APOO: variants seen among roughly 807,000 people sequenced by gnomAD.
The protein encoded by APOO is MICOS complex subunit MIC26.
A neutral mutation model predicts 23.1 loss-of-function variants in APOO; 11 were observed. The observed-to-expected ratio is 0.48, with a 90% CI of 0.30 to 0.79. The LOEUF (loss-of-function observed/expected upper bound fraction) is 0.79. Ranked by LOEUF, APOO falls within the 30% of genes least tolerant of loss-of-function variation. The pLI is 0.07. For missense variants in APOO, 160 were observed against 142.7 expected, an observed-to-expected ratio of 1.12 and a Z score of -0.62; for synonymous variants, 59 against 54.8, an observed-to-expected ratio of 1.08 and a Z score of -0.34.
At chrX:23,862,222 A>G (rs1272486581) in intron 5 of APOO, among the ~76,000 whole-genome samples, 1 of 111,670 alleles carries the variant, frequency 9.0e-6, no homozygotes, top group African/African-American at 3.3e-5. Context: ...AAGAACTTCA[A>G]AACAAAACTA....
intron 1 of APOO, among the ~76,000 whole-genome samples, chrX:23,885,855 C>A (rs1267213846): frequency 9.0e-6 from 1 of 111,455 alleles, no homozygotes; most frequent in Non-Finnish European, 1.9e-5. Flanking sequence ...AGCAGGCTCT[C>A]AACAGACAAG....
intron 7 of APOO, among the ~76,000 whole-genome samples, chrX:23,842,864 A>T (rs937265935): frequency 9.0e-6 from 1 of 111,358 alleles, no homozygotes; most frequent in African/African-American, 3.3e-5. Context: ...CAAAATTAGC[A>T]GGGCATGGTG....
In APOO at chrX:23,907,781, G is replaced by T; in HGVS notation, c.-79C>A. The stretch of plus-strand genomic sequence containing the variant: ...TATAGAGAGGTGACTACGGAGGCCC[G>T]GTAGGGCCTTGATTTCTCCAACCGC... On this transcript the variant is annotated 5_prime_UTR_variant, in exon 1 of 9. Transcript: ENST00000379226. 9.4e-7 allele frequency: 1 copy of T among 1,060,610 alleles called. No individual in the cohort carries two copies. Among genetic ancestry groups the T allele is most frequent in the Non-Finnish European group, 1.3e-6 (1 of 799,103 alleles). The allele number at this position is 1,060,610 out of a possible 1,213,427, so 87.4% of individuals were successfully genotyped here.
Position 23,862,623 on chromosome X carries a change from A to T in APOO, c.389-3890T>A, listed in dbSNP as rs770938512. On this transcript the variant is annotated intron_variant, in intron 5 of 8. Coordinates refer to ENST00000379226, the MANE Select transcript of APOO (RefSeq NM_024122.5). ...ACACCCGGTCTCCACAAAAAAAAAA[A>T]TTAGTCAGGTGTGGTGGTGCATGCC... Among the ~76,000 whole-genome samples, 27 of 104,311 alleles carry T rather than the reference A, an allele frequency of 2.6e-4. No homozygotes were observed. In the Admixed American group the frequency reaches 2.9e-3, roughly 11 times the overall value. 90.6% of individuals were successfully genotyped at this position (104,311 alleles called of 115,157 possible).
At chrX:23,851,954 C>T (rs995836916) in intron 7 of APOO, among the ~76,000 whole-genome samples, 3 of 111,674 alleles carry the variant, frequency 2.7e-5, no homozygotes, top group African/African-American at 9.8e-5. Flanking sequence ...GACCGAGTCT[C>T]GCTCTTTCGC....
chrX:23,894,337 G>A (rs1357393312), intron 1 of APOO, among the ~76,000 whole-genome samples: 2 of 109,223 alleles, frequency 1.8e-5, no homozygotes, highest in South Asian at 3.9e-4. Context: ...TAGAGACGGG[G>A]TTTTGCCACG....
intron 7 of APOO, among the ~76,000 whole-genome samples, chrX:23,845,038 A>G (rs5925935): frequency 1.7e-4 from 19 of 111,502 alleles, no homozygotes; most frequent in Admixed American, 9.6e-4. Context: ...TAACTTCCCA[A>G]GGTTTCAGGG....
chrX:23,905,365 G>A (rs906357433), intron 1 of APOO, among the ~76,000 whole-genome samples: 2 of 109,635 alleles, frequency 1.8e-5, no homozygotes, highest in East Asian at 2.8e-4. Flanking sequence ...ACTCCAGCCC[G>A]GACAACAGGG....
At chrX:23,860,125 C>T (rs1924951954) in intron 5 of APOO, among the ~76,000 whole-genome samples, 1 of 111,290 alleles carries the variant, frequency 9.0e-6, no homozygotes, top group Non-Finnish European at 1.9e-5. Flanking sequence ...GGACACACTG[C>T]CTTGAAATCT....
At chrX:23,889,908 A>G (rs192645247) in intron 1 of APOO, among the ~76,000 whole-genome samples, 2,238 of 109,558 alleles carry the variant, frequency 0.02, 46 homozygotes, top group African/African-American at 0.067. Flanking sequence ...TGATCCGCCC[A>G]CCTCGGCCTC....
At chrX:23,907,009 G>A (rs554513687) in intron 1 of APOO, among the ~76,000 whole-genome samples, 2 of 112,715 alleles carry the variant, frequency 1.8e-5, no homozygotes, top group East Asian at 2.8e-4. Flanking sequence ...CTGGTAGCCT[G>A]TGATTTTTTA....
At chrX:23,877,986 A>G (rs1483051356) in intron 3 of APOO, among the ~76,000 whole-genome samples, 3 of 111,954 alleles carry the variant, frequency 2.7e-5, no homozygotes, top group African/African-American at 6.5e-5. Flanking sequence ...AATACTTTTC[A>G]TTTACGTAAT....
chrX:23,880,527 T>G (rs1328338666), intron 2 of APOO, among the ~76,000 whole-genome samples: 1 of 110,050 alleles, frequency 9.1e-6, no homozygotes, highest in Non-Finnish European at 1.9e-5. Context: ...TGGTGAAACC[T>G]TGTCTCTACT....
intron 1 of APOO, among the ~76,000 whole-genome samples, chrX:23,904,797 T>C (rs189694925): frequency 0.041 from 4,512 of 110,984 alleles, 86 homozygotes; most frequent in South Asian, 0.11. Flanking sequence ...TGAGCCACCG[T>C]GCCTGGCCTG....
chrX:23,878,221 T>G (rs1925947121), intron 3 of APOO, among the ~76,000 whole-genome samples: 1 of 112,196 alleles, frequency 8.9e-6, no homozygotes, highest in Admixed American at 9.5e-5. Context: ...TGCATCTTTT[T>G]CCTTTGTTTA....
rs764689855 is a variant in APOO at position 23,841,620 on chromosome X, AT to A, written c.562-1244del. On this transcript the variant is annotated intron_variant, in intron 7 of 8. Coordinates refer to ENST00000379226, the MANE Select transcript of APOO (RefSeq NM_024122.5). ...TTGGCGGACCAATGATCAACATACA[AT>A]TCTCAGGTCTACTTGATGCTCTGAA... is the stretch of plus-strand genomic sequence containing the variant. 2.7e-5 allele frequency among the ~76,000 whole-genome samples: 3 copies of A among 110,127 alleles called. No homozygotes were observed. The South Asian group carries it at 1.2e-3, about 44-fold the overall frequency.
intron 7 of APOO, among the ~76,000 whole-genome samples, chrX:23,856,009 G>C (rs980907862): frequency 5.4e-5 from 6 of 111,718 alleles, no homozygotes; most frequent in African/African-American, 1.9e-4. Flanking sequence ...TAAATAATAC[G>C]CTACACTTAG....
Position 23,877,586 on chromosome X carries a change from C to T in APOO, c.237+1329G>A, listed in dbSNP as rs149660270. 7.5e-3 allele frequency among the ~76,000 whole-genome samples: 831 copies of T among 111,005 alleles called. 8 individuals carry two copies. The highest frequency in any genetic ancestry group is 0.023 in the Middle Eastern group (5 of 217). The stretch of plus-strand genomic sequence containing the variant: ...GTCAGGAGTTCGACATCAGCCTGGC[C>T]AACATGGCGAAACTCTGCCTCTACG... On this transcript the variant is annotated intron_variant, in intron 3 of 8. Coordinates refer to ENST00000379226, the MANE Select transcript of APOO (RefSeq NM_024122.5).
At chrX:23,866,319 T>C (rs1249913449) in intron 5 of APOO, among the ~76,000 whole-genome samples, 1 of 111,630 alleles carries the variant, frequency 9.0e-6, no homozygotes, top group East Asian at 2.8e-4. Flanking sequence ...TAGGGAAAAA[T>C]GTTGGTTCAT....
Sources: allele counts gnomAD v4.1 joint callset (sites outside exome capture counted in the v4.1 genomes callset), GRCh38; gene constraint gnomAD v4.1.1; transcripts MANE v1.5; gene names NCBI Gene and HGNC (gene_info 2026-07-23, HGNC 2026-07-21).